Variants in CDCA7L observed in about 807,000 individuals in gnomAD.
The protein encoded by CDCA7L is cell division cycle-associated 7-like protein.
Under a neutral mutation model 57.4 loss-of-function variants are expected in CDCA7L, and 44 were observed. The observed-to-expected ratio is 0.77, with a 90% CI of 0.60 to 0.98. The LOEUF (loss-of-function observed/expected upper bound fraction) is 0.98. Among genes scored for constraint, CDCA7L ranks in the 50% least tolerant of loss-of-function variants. The probability of loss-of-function intolerance (pLI) is 0.00; values close to 1 mark genes in which losing one functional copy is unlikely to be tolerated. For synonymous variants in CDCA7L, 236 were observed against 202.8 expected (o/e 1.16, Z -1.39); for missense variants, 644 against 580.6 (o/e 1.11, Z -1.12).
chr7:21,902,492 C>CATCAATATCCGTATACCCTCTGGTGT, intron 9 of CDCA7L, 140 bp from the exon 10 acceptor site: 2 of 799,644 alleles, frequency 2.5e-6, no homozygotes, highest in Non-Finnish European at 4.3e-6. Flanking sequence ...ACAATTTATG[C>CATCAATATCCGTATACCCTCTGGTGT]ATCAATATCC....
chr7:21,912,248 T>A (rs1785353829), intron 2 of CDCA7L, among the ~76,000 whole-genome samples: 1 of 151,994 alleles, frequency 6.6e-6, no homozygotes, highest in Non-Finnish European at 1.5e-5. Flanking sequence ...GCAGCCAAGA[T>A]CACACCATTG....
chr7:21,911,509 T>TG, intron 3 of CDCA7L, 108 bp downstream of exon 3: 1 of 1,347,106 alleles, frequency 7.4e-7, no homozygotes. Context: ...AAGATAAATA[T>TG]GTAAGAAAAA....
chr7:21,943,201 G>T (rs191171403), intron 1 of CDCA7L, among the ~76,000 whole-genome samples: 1 of 152,310 alleles, frequency 6.6e-6, no homozygotes, highest in East Asian at 1.9e-4. Context: ...TGGTCAGCAC[G>T]ACAAGACTAC....
At chr7:21,931,162 GACCA>G (rs1785997242) in intron 1 of CDCA7L, among the ~76,000 whole-genome samples, 1 of 152,140 alleles carries the variant, frequency 6.6e-6, no homozygotes, top group Admixed American at 6.5e-5. Context: ...AAGAGTCTAG[GACCA>G]GACAGATTTA....
intron 1 of CDCA7L, among the ~76,000 whole-genome samples, chr7:21,919,937 C>T (rs1785601790): frequency 6.6e-6 from 1 of 152,196 alleles, no homozygotes; most frequent in African/African-American, 2.4e-5. Flanking sequence ...AAATGTTTCA[C>T]ATGTACTTCC....
intron 1 of CDCA7L, among the ~76,000 whole-genome samples, chr7:21,931,154 G>C (rs1785996732): frequency 1.3e-5 from 2 of 152,096 alleles, no homozygotes; most frequent in Non-Finnish European, 2.9e-5. Flanking sequence ...CCAACCAAAA[G>C]AGTCTAGGAC....
chr7:21,915,069 T>G (rs907576483), intron 2 of CDCA7L, among the ~76,000 whole-genome samples: 3 of 152,098 alleles, frequency 2.0e-5, no homozygotes, highest in African/African-American at 4.8e-5. Context: ...AGGTCAATCC[T>G]ATAACAGATC....
chr7:21,934,738 C>A (rs1163926503), intron 1 of CDCA7L, among the ~76,000 whole-genome samples: 1 of 151,838 alleles, frequency 6.6e-6, no homozygotes, highest in Non-Finnish European at 1.5e-5. Context: ...AAAAGATACT[C>A]GATGCAAATA....
At chr7:21,924,776 C>T (rs1785772345) in intron 1 of CDCA7L, among the ~76,000 whole-genome samples, 1 of 152,114 alleles carries the variant, frequency 6.6e-6, no homozygotes, top group Non-Finnish European at 1.5e-5. Context: ...TTCTGCTCTT[C>T]AGAAAACACC....
chr7:21,919,287 A>C (rs1301819737), intron 1 of CDCA7L, among the ~76,000 whole-genome samples: 1 of 152,150 alleles, frequency 6.6e-6, no homozygotes, highest in African/African-American at 2.4e-5. Context: ...GTTATAATCC[A>C]TACTCTCATA....
At chr7:21,906,858 T>C (rs1785158195) in intron 4 of CDCA7L, among the ~76,000 whole-genome samples, 1 of 152,178 alleles carries the variant, frequency 6.6e-6, no homozygotes, top group African/African-American at 2.4e-5. Flanking sequence ...CACTAGCCTA[T>C]TCCTTATATA....
chr7:21,916,514 T>TAAAAA (rs71557529), intron 2 of CDCA7L, among the ~76,000 whole-genome samples: 2 of 105,122 alleles, frequency 1.9e-5, no homozygotes, highest in Non-Finnish European at 3.8e-5. Context: ...TCCCTTTATT[T>TAAAAA]AAAAAAAAAA....
intron 7 of CDCA7L, among the ~76,000 whole-genome samples, chr7:21,905,146 C>T (rs1230586624): frequency 1.3e-5 from 2 of 152,192 alleles, no homozygotes; most frequent in Non-Finnish European, 2.9e-5. Context: ...CAAAGATATT[C>T]TGCCAAACTT....
In CDCA7L at chr7:21,902,207, C is replaced by CAAAG. The variant is rs1316215272; in HGVS notation, c.*111_*114dup. On this transcript the variant is annotated 3_prime_UTR_variant, in exon 10 of 10. Coordinates refer to ENST00000406877, the MANE Select transcript of CDCA7L (RefSeq NM_018719.5). Reference sequence around the variant, plus strand: ...CTTTAACAAAAAATAGTAATTTCTACAAAGAATTTCTGTATAAAAACACAA... The same window carrying CAAAG: ...CTTTAACAAAAAATAGTAATTTCTACAAAGAAAGAATTTCTGTATAAAAACACAA... 2.0e-6 allele frequency: 2 copies of CAAAG among 997,868 alleles called. No homozygotes were observed. Among genetic ancestry groups the CAAAG allele is most frequent in the South Asian group, 1.3e-5 (1 of 74,730 alleles). 61.8% of individuals were successfully genotyped at this position (997,868 alleles called of 1,614,324 possible).
At chr7:21,943,283 A>T (rs1786403222) in intron 1 of CDCA7L, among the ~76,000 whole-genome samples, 1 of 152,252 alleles carries the variant, frequency 6.6e-6, no homozygotes, top group Admixed American at 6.5e-5. Flanking sequence ...AGGAAAGCAG[A>T]CTCGAAAGTA....
chr7:21,902,263 G>T lies in CDCA7L; in HGVS notation c.*59C>A. 7.0e-7 allele frequency: 1 copy of T among 1,436,454 alleles called. No individual in the cohort carries two copies. Among genetic ancestry groups the T allele is most frequent in the Non-Finnish European group, 9.8e-7 (1 of 1,019,642 alleles). 89.0% of individuals were successfully genotyped at this position (1,436,454 alleles called of 1,614,324 possible). Reference sequence around the variant, plus strand: ...AAAAAATCTTTCTTAGGCACCAATGGTATGCATGTCTTGTTGGAGTACTCT... The same window carrying T: ...AAAAAATCTTTCTTAGGCACCAATGTTATGCATGTCTTGTTGGAGTACTCT... On this transcript the variant is annotated 3_prime_UTR_variant, in exon 10 of 10. Coordinates refer to ENST00000406877, the MANE Select transcript of CDCA7L (RefSeq NM_018719.5).
chr7:21,931,371 A>T (rs905357173), intron 1 of CDCA7L, among the ~76,000 whole-genome samples: 2 of 152,228 alleles, frequency 1.3e-5, no homozygotes, highest in African/African-American at 4.8e-5. Flanking sequence ...AGATTTTCAC[A>T]TTGGCAATAA....
intron 2 of CDCA7L, among the ~76,000 whole-genome samples, chr7:21,913,128 ACTT>A (rs1256236299): frequency 6.6e-6 from 1 of 152,086 alleles, no homozygotes; most frequent in African/African-American, 2.4e-5. Context: ...TTAATTATAT[ACTT>A]CTTTGAGCTC....
rs1445700694 is a variant in CDCA7L, at chr7:21,904,277, T to C, written c.1048-18A>G. 1 of 1,581,962 alleles carries C rather than the reference T, an allele frequency of 6.3e-7. No individual in the cohort carries two copies. The highest frequency in any genetic ancestry group is 1.8e-5 in the Admixed American group (1 of 55,582). ...GTGTTACCCTACAGGGGGAAGGCAGTGAGCAGGTGAACACAGGGATATGCT... is the reference window on the plus strand; with the variant it reads ...GTGTTACCCTACAGGGGGAAGGCAGCGAGCAGGTGAACACAGGGATATGCT... On this transcript the variant is annotated intron_variant, in intron 7 of 9. Transcript: ENST00000406877.
Sources: allele counts gnomAD v4.1 joint callset (sites outside exome capture counted in the v4.1 genomes callset), GRCh38; gene constraint gnomAD v4.1.1; transcripts MANE v1.5; gene names NCBI Gene and HGNC (gene_info 2026-07-23, HGNC 2026-07-21).